The following COA1 variants were observed in gnomAD, a reference collection of about 807,000 sequenced individuals.
The protein encoded by COA1 is cytochrome c oxidase assembly factor 1 homolog.
Under a neutral mutation model 16.0 loss-of-function variants are expected in COA1, and 13 were observed. That is an observed-to-expected ratio of 0.81 (90% CI 0.53 to 1.29). The LOEUF is 1.29. Among genes scored for constraint, COA1 ranks in the 50% most tolerant of loss-of-function variants. The pLI is 0.00. For synonymous variants in COA1, 65 were observed against 65.7 expected, an observed-to-expected ratio of 0.99 and a Z score of 0.05; for missense variants, 179 against 177.0, an observed-to-expected ratio of 1.01 and a Z score of -0.06.
chr7:43,661,062 A>G (rs548372353), intron 1 of COA1, among the ~76,000 whole-genome samples: 2 of 152,200 alleles, frequency 1.3e-5, no homozygotes, highest in African/African-American at 4.8e-5. Context: ...TTTAAGTCTC[A>G]GCTCAAATGC....
intron 6 of COA1, among the ~76,000 whole-genome samples, chr7:43,630,432 C>CT (rs1271096577): frequency 6.6e-6 from 1 of 152,114 alleles, no homozygotes; most frequent in Non-Finnish European, 1.5e-5. Context: ...AAATTAGTAT[C>CT]TCTTTAGTTA....
chr7:43,608,481 A>T (rs1251003528), exon 7 of COA1: 4 of 1,487,782 alleles, frequency 2.7e-6, no homozygotes, highest in Non-Finnish European at 3.6e-6. Context: ...TTATTCAAAC[A>T]TGTTTCACGT....
intron 6 of COA1, among the ~76,000 whole-genome samples, chr7:43,616,180 A>G (rs1197168248): frequency 6.6e-6 from 1 of 152,180 alleles, no homozygotes; most frequent in Non-Finnish European, 1.5e-5. Flanking sequence ...GTAATTTTCC[A>G]GGGCAGAATT....
chr7:43,668,489 T>A (rs1266799812), intron 1 of COA1, among the ~76,000 whole-genome samples: 14 of 152,210 alleles, frequency 9.2e-5, no homozygotes, highest in Non-Finnish European at 2.9e-5. Flanking sequence ...TCATAATTTG[T>A]TTTTACAAAA....
In COA1 at chr7:43,668,184, G is replaced by C. The variant is rs11973987; in HGVS notation, c.-38-19532C>G. 7.1e-3 allele frequency among the ~76,000 whole-genome samples: 1,076 copies of C among 152,288 alleles called. 10 individuals are homozygous for C. The highest frequency in any genetic ancestry group is 0.025 in the African/African-American group (1,021 of 41,554). ...CTTGTCTACACAGTCCATGAACAGA[G>C]ATCTTAACCTGTCGTCAGTAAAGAA... On this transcript the variant is annotated intron_variant, in intron 1 of 5. Transcript: ENST00000223336.
intron 1 of COA1, among the ~76,000 whole-genome samples, chr7:43,682,774 A>C (rs2093826877): frequency 6.6e-6 from 1 of 152,160 alleles, no homozygotes. Context: ...AGCTATAAAC[A>C]GGCAAGCAAG....
At chr7:43,721,980 A>G (rs2095514762) in intron 1 of COA1, among the ~76,000 whole-genome samples, 1 of 152,184 alleles carries the variant, frequency 6.6e-6, no homozygotes. Context: ...AAGTGTTTCT[A>G]AAGACTACCA....
At position 43,610,157 on chromosome 7, in the gene COA1, T is replaced by C. The variant is rs554257493; in HGVS notation, c.*134-662A>G. 8.6e-5 allele frequency among the ~76,000 whole-genome samples: 13 copies of C among 151,378 alleles called. 1 individual carries two copies. The highest frequency in any genetic ancestry group is 1.5e-4 in the Non-Finnish European group (10 of 67,860). The stretch of plus-strand genomic sequence containing the variant: ...GTCAGGAGATCGAGACCATCCTGGC[T>C]AACACGGTGAAACCCTGTCTGTAGT... On this transcript the variant is annotated intron_variant and NMD_transcript_variant, in intron 6 of 6. Coordinates refer to the COA1 transcript ENST00000415076.
At chr7:43,628,762 T>G (rs778988938) in intron 6 of COA1, among the ~76,000 whole-genome samples, 50 of 152,218 alleles carry the variant, frequency 3.3e-4, no homozygotes, top group Non-Finnish European at 5.9e-4. Context: ...TTGTGCATTC[T>G]GGACATAAAG....
In COA1 at chr7:43,706,496, G is replaced by A. The variant is rs530233712; in HGVS notation, c.-39+22933C>T. Among the ~76,000 whole-genome samples the A allele has an allele frequency of 2.1e-3, 311 of 151,642 alleles. 1 individual carries two copies. Among genetic ancestry groups the A allele is most frequent in the Middle Eastern group, 6.8e-3 (2 of 292 alleles). On this transcript the variant is annotated intron_variant, in intron 1 of 5. Transcript: ENST00000223336. Reference sequence around the variant, plus strand: ...CAGGAGGCGGAGGCTGCAGTGAGCCGAGATCATGGCACTGTACTCCAGCCT... The same window carrying A: ...CAGGAGGCGGAGGCTGCAGTGAGCCAAGATCATGGCACTGTACTCCAGCCT...
intron 6 of COA1, among the ~76,000 whole-genome samples, chr7:43,614,267 G>A (rs76479702): frequency 0.18 from 27,067 of 151,910 alleles, 3,341 homozygotes; most frequent in Non-Finnish European, 0.26. Context: ...ATCTATTTAC[G>A]GACCGTCTGC....
intron 1 of COA1, among the ~76,000 whole-genome samples, chr7:43,705,061 CAGG>C (rs1423536462): frequency 6.6e-6 from 1 of 152,204 alleles, no homozygotes; most frequent in Non-Finnish European, 1.5e-5. Context: ...TGGATGCTTT[CAGG>C]AGGCCAAGGC....
At chr7:43,649,395 A>C (rs555559590) in intron 1 of COA1, 1 of 152,368 alleles carries the variant, frequency 6.6e-6, no homozygotes, top group African/African-American at 2.4e-5. Context: ...GCAATATTGA[A>C]ATGTGAAAAC....
intron 1 of COA1, among the ~76,000 whole-genome samples, chr7:43,716,453 G>A (rs2095396806): frequency 6.6e-6 from 1 of 152,022 alleles, no homozygotes; most frequent in African/African-American, 2.4e-5. Context: ...AGAGATTTGT[G>A]GAACTTAGAA....
At chr7:43,709,622 A>G (rs1677846002) in intron 1 of COA1, among the ~76,000 whole-genome samples, 1 of 152,112 alleles carries the variant, frequency 6.6e-6, no homozygotes, top group South Asian at 2.1e-4. Flanking sequence ...CCACCAATCT[A>G]CTATACTAAC....
chr7:43,651,106 A>G (rs1473310908), intron 1 of COA1, among the ~76,000 whole-genome samples: 1 of 152,246 alleles, frequency 6.6e-6, no homozygotes, highest in South Asian at 2.1e-4. Flanking sequence ...CTGTAGAGGA[A>G]TAGATGGAGT....
chr7:43,660,582 T>C (rs2092321086), intron 1 of COA1, among the ~76,000 whole-genome samples: 1 of 152,154 alleles, frequency 6.6e-6, no homozygotes, highest in Admixed American at 6.5e-5. Context: ...TGAGAGCCAC[T>C]CCTTTAAGAA....
chr7:43,698,702 A>T (rs2094606295), intron 1 of COA1, among the ~76,000 whole-genome samples: 1 of 152,188 alleles, frequency 6.6e-6, no homozygotes, highest in Admixed American at 6.5e-5. Context: ...GTGAGATGTG[A>T]ATCATAAATA....
chr7:43,642,918 T>G (rs1314897443), intron 4 of COA1, among the ~76,000 whole-genome samples: 1 of 152,228 alleles, frequency 6.6e-6, no homozygotes, highest in Admixed American at 6.5e-5. Context: ...ATATGCTGTA[T>G]ACAGGCATCC....
Sources: gnomAD v4.1 joint callset for allele counts (sites outside exome capture counted in the v4.1 genomes callset) on GRCh38, gnomAD v4.1.1 for gene constraint, MANE v1.5 for transcripts, NCBI Gene and HGNC (gene_info 2026-07-23, HGNC 2026-07-21) for gene names.